TAS2R1: variants seen among roughly 807,000 people sequenced by gnomAD.
The protein encoded by TAS2R1 is taste 2 receptor member 1.
For missense variants in TAS2R1, 370 were observed against 353.4 expected, an observed-to-expected ratio of 1.05 and a Z score of -0.38; for synonymous variants, 141 against 134.2, an observed-to-expected ratio of 1.05 and a Z score of -0.35.
chr5:9,901,596 T>C, the TAS2R1 span, among the ~76,000 whole-genome samples: 1 of 152,028 alleles, frequency 6.6e-6, no homozygotes, highest in Non-Finnish European at 1.5e-5. Flanking sequence ...AAAGGAAGTG[T>C]ACATCATAAG....
At chr5:9,886,910 G>T in the TAS2R1 span, among the ~76,000 whole-genome samples, 1 of 152,098 alleles carries the variant, frequency 6.6e-6, no homozygotes. Context: ...GAACATCTAC[G>T]TAACCATCAC....
chr5:9,780,660 T>C, the TAS2R1 span, among the ~76,000 whole-genome samples: 1 of 147,228 alleles, frequency 6.8e-6, no homozygotes. Context: ...TCCAGACAAA[T>C]GGAACTAACA....
intron 1 of TAS2R1, among the ~76,000 whole-genome samples, chr5:9,687,709 AT>A (rs1246734494): frequency 1.3e-5 from 2 of 151,992 alleles, no homozygotes; most frequent in African/African-American, 4.8e-5. Flanking sequence ...GTCACAAACC[AT>A]TTTCTGCTCC....
the TAS2R1 span, among the ~76,000 whole-genome samples, chr5:9,843,054 A>G: frequency 1.6e-3 from 240 of 152,238 alleles, 1 homozygote; most frequent in Non-Finnish European, 2.7e-3. Flanking sequence ...ACCCCAGGCT[A>G]AAAGTTCAGC....
At chr5:9,629,566 AG>A, downstream of TAS2R1, 1 of 1,614,080 alleles carries the variant, frequency 6.2e-7, no homozygotes. Context: ...AAATTTCCTT[AG>A]GAAGTATGGG....
At chr5:9,717,224 G>C (rs1036865512), upstream of TAS2R1, among the ~76,000 whole-genome samples, 1 of 152,214 alleles carries the variant, frequency 6.6e-6, no homozygotes, top group African/African-American at 2.4e-5. Context: ...GGTGGGGCCA[G>C]AAGGGGTGGC....
the TAS2R1 span, among the ~76,000 whole-genome samples, chr5:9,722,230 A>C: frequency 1.3e-5 from 2 of 152,230 alleles, no homozygotes; most frequent in African/African-American, 4.8e-5. Context: ...CCCTGAGGCC[A>C]CCATGTCTCT....
At chr5:9,829,946 A>T in the TAS2R1 span, among the ~76,000 whole-genome samples, 1 of 152,172 alleles carries the variant, frequency 6.6e-6, no homozygotes, top group African/African-American at 2.4e-5. Flanking sequence ...TCCTCTAAGA[A>T]TACCTCAGGA....
chr5:9,825,908 C>T, the TAS2R1 span, among the ~76,000 whole-genome samples: 9,059 of 152,080 alleles, frequency 0.06, 635 homozygotes, highest in East Asian at 0.24. Context: ...CCTTTCTTGG[C>T]CTGAAATAAG....
the TAS2R1 span, among the ~76,000 whole-genome samples, chr5:9,719,918 C>CAAAAAAAAAAAA: frequency 1.2e-4 from 8 of 64,270 alleles, no homozygotes; most frequent in African/African-American, 3.5e-4. Flanking sequence ...GATTCCGATT[C>CAAAAAAAAAAAA]AAAAAAAAAA....
the TAS2R1 span, among the ~76,000 whole-genome samples, chr5:9,843,074 T>C: frequency 6.6e-6 from 1 of 152,164 alleles, no homozygotes; most frequent in Admixed American, 6.5e-5. Flanking sequence ...CTGGCTTCTC[T>C]GCCTTTTATG....
At chr5:9,721,657 A>G in the TAS2R1 span, among the ~76,000 whole-genome samples, 1 of 152,232 alleles carries the variant, frequency 6.6e-6, no homozygotes, top group African/African-American at 2.4e-5. Context: ...GACAACTGCA[A>G]GTGATATTGA....
chr5:9,895,513 A>G, the TAS2R1 span, among the ~76,000 whole-genome samples: 82 of 152,352 alleles, frequency 5.4e-4, no homozygotes, highest in African/African-American at 1.8e-3. Context: ...CGCTGCCTCA[A>G]AAAGCCTGCA....
chr5:9,654,742 T>C (rs1490667773), intron 2 of TAS2R1, among the ~76,000 whole-genome samples: 2 of 152,184 alleles, frequency 1.3e-5, no homozygotes, highest in African/African-American at 4.8e-5. Context: ...TGGAAATTAA[T>C]TAAAATATGA....
intron 1 of TAS2R1, among the ~76,000 whole-genome samples, chr5:9,692,461 T>A (rs1741264911): frequency 6.6e-6 from 1 of 152,184 alleles, no homozygotes; most frequent in Non-Finnish European, 1.5e-5. Context: ...GTTGTAGATA[T>A]CCTCAAAGTT....
At chr5:9,873,872 G>GAAAAA in the TAS2R1 span, among the ~76,000 whole-genome samples, 1 of 121,732 alleles carries the variant, frequency 8.2e-6, no homozygotes, top group Non-Finnish European at 1.7e-5. Flanking sequence ...CTGTCTCGGG[G>GAAAAA]AAAAAAAAAA....
chr5:9,884,612 T>C, the TAS2R1 span, among the ~76,000 whole-genome samples: 1 of 152,144 alleles, frequency 6.6e-6, no homozygotes, highest in African/African-American at 2.4e-5. Flanking sequence ...AAACACAAGT[T>C]ACTATTATTT....
At chr5:9,841,758 A>G in the TAS2R1 span, among the ~76,000 whole-genome samples, 53,035 of 152,042 alleles carry the variant, frequency 0.35, 9,438 homozygotes, top group South Asian at 0.39. Context: ...AATTTTGAGG[A>G]ATAATGTAAT....
chr5:9,762,771 C>T, the TAS2R1 span, among the ~76,000 whole-genome samples: 1 of 152,258 alleles, frequency 6.6e-6, no homozygotes, highest in South Asian at 2.1e-4. Context: ...TCAGAAATAG[C>T]CTTGTGGCAA....
Sources: gnomAD v4.1 joint callset for allele counts (sites outside exome capture counted in the v4.1 genomes callset) on GRCh38, gnomAD v4.1.1 for gene constraint, MANE v1.5 for transcripts, NCBI Gene and HGNC (gene_info 2026-07-23, HGNC 2026-07-21) for gene names.